SUMF1: variants seen among roughly 807,000 people sequenced by gnomAD.
SUMF1 encodes the protein formylglycine-generating enzyme.
In SUMF1, 48 loss-of-function variants were observed where a neutral mutation model predicts 47.6. That is an observed-to-expected ratio of 1.01 (90% confidence interval 0.80 to 1.28). The LOEUF (loss-of-function observed/expected upper bound fraction) is 1.28. Among genes scored for constraint, SUMF1 ranks in the 50% most tolerant of loss-of-function variants. The probability of loss-of-function intolerance (pLI) is 0.00; values close to 1 mark genes in which losing one functional copy is unlikely to be tolerated. For synonymous variants in SUMF1, 230 were observed against 192.1 expected, an observed-to-expected ratio of 1.20 and a Z score of -1.63; for missense variants, 571 against 485.4, an observed-to-expected ratio of 1.18 and a Z score of -1.66.
chr3:4,095,193 T>G (rs1692875321), intron 8 of SUMF1, among the ~76,000 whole-genome samples: 1 of 152,110 alleles, frequency 6.6e-6, no homozygotes, highest in Admixed American at 6.5e-5. Context: ...AAATGATTTT[T>G]TACAGGGTAG....
At chr3:4,214,725 T>A (rs1405430427) in intron 8 of SUMF1, among the ~76,000 whole-genome samples, 1 of 152,018 alleles carries the variant, frequency 6.6e-6, no homozygotes, top group Non-Finnish European at 1.5e-5. Context: ...TTACCACTGA[T>A]CCCACAGAAA....
chr3:4,305,884 G>C lies in SUMF1; in HGVS notation c.1014+70446C>G, dbSNP rs140756499. ...CCCAGACTACCTTTGGCAATTTATA[G>C]TTAATAATACAGTTAGCTGGCCCAA... On this transcript the variant is annotated intron_variant and NMD_transcript_variant, in intron 8 of 12. Transcript: ENST00000448413. 3.9e-3 allele frequency among the ~76,000 whole-genome samples: 596 copies of C among 152,282 alleles called. 3 individuals carry two copies. Among genetic ancestry groups the C allele is most frequent in the African/African-American group, 0.014 (563 of 41,540 alleles).
chr3:4,353,225 C>T (rs192874884), intron 8 of SUMF1, among the ~76,000 whole-genome samples: 22 of 152,242 alleles, frequency 1.4e-4, no homozygotes, highest in Admixed American at 1.4e-3. Context: ...ATAGTGAGAC[C>T]CTCATCTTTA....
At chr3:4,426,365 G>A (rs954056216) in intron 3 of SUMF1, among the ~76,000 whole-genome samples, 1 of 152,180 alleles carries the variant, frequency 6.6e-6, no homozygotes, top group East Asian at 1.9e-4. Context: ...CGAAATCAGA[G>A]GTAGGGCCTT....
intron 8 of SUMF1, among the ~76,000 whole-genome samples, chr3:4,211,751 C>T (rs1182566168): frequency 6.6e-6 from 1 of 152,116 alleles, no homozygotes; most frequent in Non-Finnish European, 1.5e-5. Flanking sequence ...ATTATAAGAA[C>T]TGATAATACA....
chr3:4,054,582 C>A (rs965505697), intron 9 of SUMF1, among the ~76,000 whole-genome samples: 1 of 152,036 alleles, frequency 6.6e-6, no homozygotes, highest in Non-Finnish European at 1.5e-5. Flanking sequence ...TACCCACTAC[C>A]CTCCATTTAT....
chr3:4,209,592 T>C (rs2629258), intron 8 of SUMF1, among the ~76,000 whole-genome samples: 6 of 151,756 alleles, frequency 4.0e-5, no homozygotes, highest in African/African-American at 1.5e-4. Flanking sequence ...CCAAATTTAT[T>C]AGATCTTAGA....
chr3:4,100,585 T>C (rs1330117251), intron 8 of SUMF1, among the ~76,000 whole-genome samples: 1 of 151,864 alleles, frequency 6.6e-6, no homozygotes, highest in Non-Finnish European at 1.5e-5. Context: ...GAAGAAAACA[T>C]AGGGGGAAAC....
chr3:4,234,982 G>C (rs757622433), intron 8 of SUMF1, among the ~76,000 whole-genome samples: 1 of 152,068 alleles, frequency 6.6e-6, no homozygotes, highest in African/African-American at 2.4e-5. Flanking sequence ...TAACAGGAAC[G>C]TAACATTGAC....
chr3:4,415,226 C>CAAAAAA (rs35397535), intron 6 of SUMF1, among the ~76,000 whole-genome samples: 2 of 78,308 alleles, frequency 2.6e-5, no homozygotes, highest in African/African-American at 4.6e-5. Flanking sequence ...GACTCCATCT[C>CAAAAAA]AAAAAAAAAA....
chr3:4,342,927 T>A (rs17040400), intron 8 of SUMF1, among the ~76,000 whole-genome samples: 1 of 152,166 alleles, frequency 6.6e-6, no homozygotes, highest in African/African-American at 2.4e-5. Context: ...ATTCAAGTCC[T>A]CATTTTACAG....
At chr3:4,158,512 T>G (rs1694504503) in intron 8 of SUMF1, among the ~76,000 whole-genome samples, 1 of 151,544 alleles carries the variant, frequency 6.6e-6, no homozygotes, top group African/African-American at 2.4e-5. Flanking sequence ...GTTGATTTTC[T>G]GTCTGGATCT....
chr3:4,233,365 T>A (rs1696342906), intron 8 of SUMF1, among the ~76,000 whole-genome samples: 1 of 151,922 alleles, frequency 6.6e-6, no homozygotes, highest in Non-Finnish European at 1.5e-5. Context: ...TTGTAGGGAG[T>A]TTTGACCTAC....
chr3:4,248,965 G>A (rs968292643), intron 8 of SUMF1, among the ~76,000 whole-genome samples: 9 of 152,180 alleles, frequency 5.9e-5, no homozygotes, highest in Admixed American at 2.0e-4. Flanking sequence ...ACCAGTGGCC[G>A]TGGCAGTTCA....
Position 4,256,734 on chromosome 3 carries a change from G to A in SUMF1, c.1014+119596C>T, listed in dbSNP as rs1188595863. 2.6e-5 allele frequency among the ~76,000 whole-genome samples: 4 copies of A among 152,156 alleles called. 1 individual carries two copies. Among genetic ancestry groups the A allele is most frequent in the African/African-American group, 9.7e-5 (4 of 41,430 alleles). On this transcript the variant is annotated intron_variant and NMD_transcript_variant, in intron 8 of 12. Transcript: ENST00000448413. ...CCTTCTGAAACTATTCCAATCAATA[G>A]AGGGAATCCTCCCTAACTCATTTGA...
chr3:4,320,046 A>G (rs143267803), intron 8 of SUMF1, among the ~76,000 whole-genome samples: 2 of 152,334 alleles, frequency 1.3e-5, no homozygotes, highest in African/African-American at 4.8e-5. Flanking sequence ...GGGCAATGAA[A>G]CAATTCTGTA....
intron 8 of SUMF1, among the ~76,000 whole-genome samples, chr3:4,100,068 CAATCCTTG>C (rs1415987635): frequency 4.0e-5 from 6 of 149,734 alleles, no homozygotes; most frequent in African/African-American, 1.5e-4. Flanking sequence ...TGAATTCTTC[CAATCCTTG>C]GATTGGAAGA....
chr3:4,131,325 C>T (rs1259964860), intron 8 of SUMF1, among the ~76,000 whole-genome samples: 5 of 152,136 alleles, frequency 3.3e-5, no homozygotes, highest in African/African-American at 1.2e-4. Flanking sequence ...TGCCACCCTG[C>T]CTGCTCTTCC....
intron 8 of SUMF1, among the ~76,000 whole-genome samples, chr3:4,169,106 T>A (rs1450459220): frequency 6.6e-6 from 1 of 152,170 alleles, no homozygotes; most frequent in Admixed American, 6.5e-5. Context: ...TCTATGCAGC[T>A]TTCCCAGAGG....
Sources: allele counts gnomAD v4.1 joint callset (sites outside exome capture counted in the v4.1 genomes callset), GRCh38; gene constraint gnomAD v4.1.1; transcripts MANE v1.5; gene names NCBI Gene and HGNC (gene_info 2026-07-23, HGNC 2026-07-21).